Variants in KIF13B observed in about 807,000 individuals in gnomAD.
KIF13B encodes the protein kinesin-like protein KIF13B.
In KIF13B, 127 loss-of-function variants were observed where a neutral mutation model predicts 222.0. The observed-to-expected ratio is 0.57, with a 90% CI of 0.50 to 0.66. The LOEUF (loss-of-function observed/expected upper bound fraction) is 0.66. KIF13B is among the 30% of genes least tolerant of loss of function. The pLI is 0.00. For synonymous variants in KIF13B, 976 were observed against 919.0 expected (o/e 1.06, Z -1.12); for missense variants, 2,173 against 2,379.0 (o/e 0.91, Z 1.80).
At chr8:29,230,172 G>A (rs1217163593) in intron 2 of KIF13B, among the ~76,000 whole-genome samples, 1 of 152,092 alleles carries the variant, frequency 6.6e-6, no homozygotes, top group African/African-American at 2.4e-5. Flanking sequence ...GGCTCAGGGA[G>A]GTGATATAAA....
intron 23 of KIF13B, 87 bp downstream of exon 23, chr8:29,132,221 G>A: frequency 9.6e-7 from 1 of 1,037,314 alleles, no homozygotes. Context: ...ACTCCAGCCT[G>A]GGTGACAGAG....
chr8:29,124,472 G>A (rs1810019979), intron 26 of KIF13B, among the ~76,000 whole-genome samples: 1 of 152,178 alleles, frequency 6.6e-6, no homozygotes, highest in Admixed American at 6.5e-5. Context: ...ATATGGCTGG[G>A]CGTGGTGGCT....
chr8:29,164,973 A>C (rs73558595), intron 12 of KIF13B, among the ~76,000 whole-genome samples: 7,173 of 151,994 alleles, frequency 0.047, 360 homozygotes, highest in African/African-American at 0.12. Flanking sequence ...TCAGCCTCCC[A>C]AGTAGCTGAG....
At chr8:29,253,556 T>C (rs996339725) in intron 1 of KIF13B, among the ~76,000 whole-genome samples, 2 of 151,968 alleles carry the variant, frequency 1.3e-5, no homozygotes, top group African/African-American at 2.4e-5. Flanking sequence ...ACTCCATCTC[T>C]AAACAAATAA....
At chr8:29,092,676 G>A (rs1158783457) in intron 37 of KIF13B, 69 bp downstream of exon 37, 6 of 1,473,756 alleles carry the variant, frequency 4.1e-6, no homozygotes, top group Non-Finnish European at 5.4e-6. Context: ...TCCACCTCCA[G>A]CTTTGGCGCA....
At chr8:29,224,446 C>T (rs1030171821) in intron 2 of KIF13B, among the ~76,000 whole-genome samples, 4 of 152,186 alleles carry the variant, frequency 2.6e-5, no homozygotes, top group Non-Finnish European at 4.4e-5. Context: ...ATAATTGCTT[C>T]AACTTCAAAG....
chr8:29,100,270 G>T (rs556753030), intron 35 of KIF13B, among the ~76,000 whole-genome samples: 1 of 152,312 alleles, frequency 6.6e-6, no homozygotes, highest in African/African-American at 2.4e-5. Context: ...TTTAACTTCA[G>T]CCCTATCTAG....
intron 24 of KIF13B, among the ~76,000 whole-genome samples, chr8:29,129,549 G>A (rs1412562016): frequency 6.6e-6 from 1 of 151,792 alleles, no homozygotes; most frequent in African/African-American, 2.4e-5. Context: ...TGCTTTCTAC[G>A]CTCGTTTTCT....
At chr8:29,234,656 A>C (rs1269156999) in intron 2 of KIF13B, among the ~76,000 whole-genome samples, 1 of 147,230 alleles carries the variant, frequency 6.8e-6, no homozygotes. Context: ...TAAATGATTA[A>C]TTTTCTTGTG....
At chr8:29,233,601 T>A (rs1181344752) in intron 2 of KIF13B, among the ~76,000 whole-genome samples, 1 of 152,254 alleles carries the variant, frequency 6.6e-6, no homozygotes, top group Non-Finnish European at 1.5e-5. Flanking sequence ...AAAACCCCTT[T>A]ACACTCTTAA....
At chr8:29,188,921 C>G (rs935144286) in intron 4 of KIF13B, among the ~76,000 whole-genome samples, 1 of 152,108 alleles carries the variant, frequency 6.6e-6, no homozygotes, top group Non-Finnish European at 1.5e-5. Flanking sequence ...TACTTGGGAC[C>G]CAGGTGTACC....
chr8:29,117,044 T>C (rs1390124476), intron 30 of KIF13B, 37 bp from the exon 31 acceptor site: 4 of 1,504,190 alleles, frequency 2.7e-6, no homozygotes, highest in Non-Finnish European at 3.6e-6. Flanking sequence ...GTTTCTCTCT[T>C]CTCCAGAAAC....
At chr8:29,260,804 G>A (rs1294128690) in intron 1 of KIF13B, among the ~76,000 whole-genome samples, 1 of 152,104 alleles carries the variant, frequency 6.6e-6, no homozygotes, top group African/African-American at 2.4e-5. Context: ...TTTTAGTAGA[G>A]ACAGGGTTTT....
chr8:29,111,679 G>T (rs765604787), intron 32 of KIF13B, among the ~76,000 whole-genome samples: 2 of 152,162 alleles, frequency 1.3e-5, no homozygotes, highest in Non-Finnish European at 2.9e-5. Flanking sequence ...AAGAAACTAA[G>T]TGGGAGAGAA....
At chr8:29,179,221 A>G (rs1400802346) in intron 8 of KIF13B, among the ~76,000 whole-genome samples, 1 of 152,048 alleles carries the variant, frequency 6.6e-6, no homozygotes, top group East Asian at 1.9e-4. Context: ...GGCTCAACCA[A>G]TCCTCCCACC....
At chr8:29,215,071 G>A (rs1336864965) in intron 2 of KIF13B, among the ~76,000 whole-genome samples, 2 of 152,080 alleles carry the variant, frequency 1.3e-5, no homozygotes, top group African/African-American at 2.4e-5. Context: ...CTGTTGCTCC[G>A]GTGGCTCCAC....
At chr8:29,191,669 T>C (rs906786140) in intron 3 of KIF13B, among the ~76,000 whole-genome samples, 1 of 152,224 alleles carries the variant, frequency 6.6e-6, no homozygotes, top group Non-Finnish European at 1.5e-5. Flanking sequence ...CTTGGTGGGA[T>C]CTTACAGATG....
At chr8:29,166,467 G>A (rs941231395) in intron 11 of KIF13B, among the ~76,000 whole-genome samples, 2 of 152,146 alleles carry the variant, frequency 1.3e-5, no homozygotes, top group African/African-American at 4.8e-5. Flanking sequence ...GGGAGGCCGA[G>A]GCGGGCGTAT....
chr8:29,127,386 T>C, intron 24 of KIF13B, 118 bp from the exon 25 acceptor site: 1 of 691,500 alleles, frequency 1.4e-6, no homozygotes. Flanking sequence ...ACTGTCACTA[T>C]ACCTTATTGT....
Sources: allele counts gnomAD v4.1 joint callset (sites outside exome capture counted in the v4.1 genomes callset), GRCh38; gene constraint gnomAD v4.1.1; transcripts MANE v1.5; gene names NCBI Gene and HGNC (gene_info 2026-07-23, HGNC 2026-07-21).